NTRK2: variants seen among roughly 807,000 people sequenced by gnomAD.
The protein encoded by NTRK2 is neurotrophic receptor tyrosine kinase 2.
In NTRK2, 13 loss-of-function variants were observed where a neutral mutation model predicts 94.5. The observed-to-expected ratio is 0.14, with a 90% confidence interval of 0.09 to 0.22. The LOEUF is 0.22. Ranked by LOEUF, NTRK2 falls within the 10% of genes least tolerant of loss-of-function variation. The probability of loss-of-function intolerance (pLI) is 1.00; values close to 1 mark genes in which losing one functional copy is unlikely to be tolerated. For missense variants in NTRK2, 639 were observed against 1,071.2 expected, an observed-to-expected ratio of 0.60 and a Z score of 5.63; for synonymous variants, 372 against 407.4, an observed-to-expected ratio of 0.91 and a Z score of 1.05.
chr9:84,920,462 T>G (rs532062784), intron 14 of NTRK2, among the ~76,000 whole-genome samples: 1 of 152,258 alleles, frequency 6.6e-6, no homozygotes, highest in East Asian at 1.9e-4. Context: ...TGCACACCAC[T>G]CATCCAGTTG....
At chr9:84,703,372 A>G (rs1659409) in intron 4 of NTRK2, among the ~76,000 whole-genome samples, 76,363 of 152,052 alleles carry the variant, frequency 0.5, 19,463 homozygotes, top group East Asian at 0.59. Context: ...TAGATAAAAT[A>G]AGAGTGAGAG....
At chr9:84,820,078 C>T (rs918551544) in intron 12 of NTRK2, among the ~76,000 whole-genome samples, 1 of 152,042 alleles carries the variant, frequency 6.6e-6, no homozygotes, top group Non-Finnish European at 1.5e-5. Flanking sequence ...GTTAAGGGCA[C>T]CAATCCCCTG....
Position 84,871,290 on chromosome 9 carries a change from G to T in NTRK2, c.1633+3859G>T, listed in dbSNP as rs540854498. Among the ~76,000 whole-genome samples the T allele has an allele frequency of 6.6e-5, 10 of 152,216 alleles. No homozygotes were observed. In the East Asian group the frequency reaches 1.5e-3, roughly 24 times the overall value. ...GAGGGCCATGCTGGAGTATGGGCCT[G>T]GTATTGACAGATACTATAATTTTTC... On this transcript the variant is annotated intron_variant, in intron 14 of 18. Transcript: ENST00000277120.
chr9:84,904,807 A>G (rs1292744413), intron 14 of NTRK2, among the ~76,000 whole-genome samples: 5 of 152,244 alleles, frequency 3.3e-5, no homozygotes, highest in Non-Finnish European at 7.3e-5. Context: ...CTTTGAAATG[A>G]AAAATACTGG....
chr9:84,884,669 G>A (rs911778463), intron 14 of NTRK2, among the ~76,000 whole-genome samples: 3 of 152,088 alleles, frequency 2.0e-5, no homozygotes, highest in Non-Finnish European at 2.9e-5. Flanking sequence ...CTCTGCCGCC[G>A]CTTGTAGAGT....
intron 12 of NTRK2, among the ~76,000 whole-genome samples, chr9:84,798,887 G>A (rs2133349573): frequency 7.2e-6 from 1 of 139,576 alleles, no homozygotes; most frequent in Non-Finnish European, 1.5e-5. Flanking sequence ...CTGAACACCT[G>A]CTATATGCCA....
At chr9:84,796,998 C>T (rs780610185) in intron 12 of NTRK2, among the ~76,000 whole-genome samples, 4 of 151,976 alleles carry the variant, frequency 2.6e-5, no homozygotes, top group Non-Finnish European at 4.4e-5. Flanking sequence ...AATATATTTC[C>T]TAACTTAGAG....
chr9:84,814,304 G>A (rs1314880319), intron 12 of NTRK2: 1 of 1,065,210 alleles, frequency 9.4e-7, no homozygotes, highest in African/African-American at 1.6e-5. Flanking sequence ...ACCTCTTCAG[G>A]GGTGTGTGGA....
intron 14 of NTRK2, among the ~76,000 whole-genome samples, chr9:84,870,322 T>TGG (rs1478978750): frequency 2.0e-5 from 1 of 51,148 alleles, no homozygotes; most frequent in African/African-American, 6.6e-5. Context: ...ATATGTGGGG[T>TGG]GTGTGTGTGT....
At chr9:84,726,257 C>T (rs929305500) in intron 8 of NTRK2, among the ~76,000 whole-genome samples, 6 of 152,092 alleles carry the variant, frequency 3.9e-5, no homozygotes, top group Non-Finnish European at 7.4e-5. Flanking sequence ...GAGGCCGAGG[C>T]GGGTGGATCA....
intron 2 of NTRK2, among the ~76,000 whole-genome samples, chr9:84,677,707 GAGA>G (rs1278046398): frequency 6.6e-6 from 1 of 152,078 alleles, no homozygotes; most frequent in African/African-American, 2.4e-5. Context: ...ATTTGACCTC[GAGA>G]GCCAAGGCAA....
chr9:84,937,202 C>T (rs1398671689), intron 15 of NTRK2, among the ~76,000 whole-genome samples: 1 of 152,186 alleles, frequency 6.6e-6, no homozygotes, highest in African/African-American at 2.4e-5. Context: ...ATGCAGCTGC[C>T]AGGGATTGCA....
chr9:84,799,653 A>T (rs1159044699), intron 12 of NTRK2, among the ~76,000 whole-genome samples: 1 of 151,742 alleles, frequency 6.6e-6, no homozygotes, highest in Admixed American at 6.6e-5. Flanking sequence ...GGAATTTTTG[A>T]TGTTCAGCAT....
chr9:84,863,933 C>T (rs757706028), intron 13 of NTRK2, among the ~76,000 whole-genome samples: 3 of 152,154 alleles, frequency 2.0e-5, no homozygotes, highest in Non-Finnish European at 2.9e-5. Context: ...GAGCTCATTC[C>T]CTTGCAATCT....
At chr9:85,006,352 G>T (rs1352597069) in intron 17 of NTRK2, among the ~76,000 whole-genome samples, 1 of 152,162 alleles carries the variant, frequency 6.6e-6, no homozygotes, top group Non-Finnish European at 1.5e-5. Flanking sequence ...GCTGGTTTGG[G>T]GAAGTTAGAC....
intron 10 of NTRK2, among the ~76,000 whole-genome samples, chr9:84,743,015 G>T (rs985502511): frequency 6.6e-5 from 10 of 151,956 alleles, no homozygotes; most frequent in African/African-American, 2.4e-4. Context: ...TGGCCAGGCT[G>T]GTCTCGAACT....
At chr9:84,908,854 TTTAA>T (rs1382125024) in intron 14 of NTRK2, among the ~76,000 whole-genome samples, 2 of 152,188 alleles carry the variant, frequency 1.3e-5, no homozygotes, top group African/African-American at 2.4e-5. Context: ...TCTTACAATT[TTTAA>T]TTAAACTTCT....
Position 84,725,436 on chromosome 9 carries a change from A to G in NTRK2, c.853+1080A>G, listed in dbSNP as rs569987989. Among the ~76,000 whole-genome samples the G allele has an allele frequency of 3.9e-5, 6 of 152,240 alleles. No homozygotes were observed. In the South Asian group the frequency reaches 1.2e-3, roughly 32 times the overall value. On this transcript the variant is annotated intron_variant, in intron 8 of 18. Coordinates refer to ENST00000277120, the MANE Select transcript of NTRK2 (RefSeq NM_006180.6). ...AGCACTTTCAACTGTATGTCCTTAA[A>G]TCAGCACCTAACCCAAAATTCATTT...
chr9:85,018,345 G>A (rs1588202295), intron 17 of NTRK2, among the ~76,000 whole-genome samples: 1 of 152,166 alleles, frequency 6.6e-6, no homozygotes, highest in South Asian at 2.1e-4. Context: ...TATTCTAGGG[G>A]TTAACAATCT....
Sources: gnomAD v4.1 joint callset for allele counts (sites outside exome capture counted in the v4.1 genomes callset) on GRCh38, gnomAD v4.1.1 for gene constraint, MANE v1.5 for transcripts, NCBI Gene and HGNC (gene_info 2026-07-23, HGNC 2026-07-21) for gene names.